The following TIAM2 variants were observed in gnomAD, a reference collection of about 807,000 sequenced individuals.
TIAM2 encodes the protein TIAM Rac1 associated GEF 2.
A neutral mutation model predicts 152.9 loss-of-function variants in TIAM2; 80 were observed. The ratio of observed to expected loss-of-function variants is 0.52; its 90% CI spans 0.44 to 0.63. The LOEUF (loss-of-function observed/expected upper bound fraction) is 0.63. Among genes scored for constraint, TIAM2 ranks in the 30% least tolerant of loss-of-function variants. The pLI is 0.00. For missense variants in TIAM2, 1,965 were observed against 2,120.1 expected (o/e 0.93, Z 1.44); for synonymous variants, 804 against 838.0 (o/e 0.96, Z 0.70).
chr6:155,076,098 A>G (rs1460738728), intron 1 of TIAM2, among the ~76,000 whole-genome samples: 1 of 152,178 alleles, frequency 6.6e-6, no homozygotes, highest in Non-Finnish European at 1.5e-5. Flanking sequence ...TCATGAGGTC[A>G]GGTGCAGAAT....
chr6:155,224,955 AT>A (rs1025158110), intron 15 of TIAM2, among the ~76,000 whole-genome samples: 27 of 151,890 alleles, frequency 1.8e-4, no homozygotes, highest in African/African-American at 6.5e-4. Context: ...TTTTCTATTT[AT>A]TTGTTTGTTT....
chr6:155,236,683 C>G (rs1782777791), intron 15 of TIAM2, among the ~76,000 whole-genome samples: 1 of 152,016 alleles, frequency 6.6e-6, no homozygotes, highest in African/African-American at 2.4e-5. Flanking sequence ...AATAAAAGAG[C>G]AAGTCATATC....
At chr6:155,007,453 C>T (rs1010610270) in intron 1 of TIAM2, among the ~76,000 whole-genome samples, 3 of 150,820 alleles carry the variant, frequency 2.0e-5, no homozygotes, top group Admixed American at 6.6e-5. Flanking sequence ...GGCACAATCT[C>T]GGCTCACTGC....
chr6:155,249,954 C>T lies in TIAM2; in HGVS notation c.3936C>T (p.Ser1312=), dbSNP rs201979923. 1.2e-5 allele frequency: 20 copies of T among 1,613,040 alleles called. No individual in the cohort carries two copies. The highest frequency in any genetic ancestry group is 5.0e-5 in the Admixed American group (3 of 59,810). Reference sequence around the variant, plus strand: ...TTGACCAGCTAGTAGCTGAGCAGAGCGGAACAGAGAAGGAGGTCCGTGAGA... The same window carrying T: ...TTGACCAGCTAGTAGCTGAGCAGAGTGGAACAGAGAAGGAGGTCCGTGAGA... ...TVFDQLVAEQ[S]GTEKEVTELS... The change falls in exon 21 of 27, where the codon AGC becomes AGT. Residue 1312 remains serine, a synonymous_variant. Transcript: ENST00000682666.
At chr6:155,072,448 A>C (rs764079903) in intron 1 of TIAM2, among the ~76,000 whole-genome samples, 3 of 152,150 alleles carry the variant, frequency 2.0e-5, no homozygotes, top group Non-Finnish European at 2.9e-5. Context: ...TTTGGTGTGC[A>C]TGATGAGGGA....
In TIAM2 at chr6:155,218,612, G is replaced by T. The variant is rs888334963; in HGVS notation, c.3168+7305G>T. On this transcript the variant is annotated intron_variant, in intron 15 of 26. Coordinates refer to ENST00000682666, the MANE Select transcript of TIAM2 (RefSeq NM_012454.4). The surrounding 1 kb of genome is among the most constrained non-coding windows in gnomAD (Gnocchi z 4.5). Reference sequence around the variant, plus strand: ...CTAGGAGCACTGGAAGCAGGGGAGAGAGGATTAGGCTGTAAGCTGCCCCTT... The same window carrying T: ...CTAGGAGCACTGGAAGCAGGGGAGATAGGATTAGGCTGTAAGCTGCCCCTT... 6.6e-6 allele frequency among the ~76,000 whole-genome samples: 1 copy of T among 152,210 alleles called. No individual in the cohort carries two copies. Among genetic ancestry groups the T allele is most frequent in the Non-Finnish European group, 1.5e-5 (1 of 68,032 alleles).
chr6:155,184,758 A>G (rs111790637), intron 14 of TIAM2, among the ~76,000 whole-genome samples: 153 of 152,328 alleles, frequency 1.0e-3, no homozygotes, highest in African/African-American at 3.5e-3. Context: ...TTGCGATTCA[A>G]TAAGGTATCT....
chr6:155,087,814 A>G (rs950133851), intron 1 of TIAM2, among the ~76,000 whole-genome samples: 1 of 152,160 alleles, frequency 6.6e-6, no homozygotes, highest in African/African-American at 2.4e-5. Flanking sequence ...TGACAAAGCA[A>G]ATTTAAAAGT....
At chr6:155,027,241 G>T (rs1201154751) in intron 1 of TIAM2, among the ~76,000 whole-genome samples, 3 of 151,066 alleles carry the variant, frequency 2.0e-5, no homozygotes, top group African/African-American at 7.3e-5. Flanking sequence ...GGCCAGGATG[G>T]TCTCTTACTC....
At chr6:155,057,110 C>CCTCT (rs903684566) in intron 1 of TIAM2, among the ~76,000 whole-genome samples, 1 of 135,654 alleles carries the variant, frequency 7.4e-6, no homozygotes, top group Non-Finnish European at 1.5e-5. Flanking sequence ...TTCACTGCAT[C>CCTCT]CTCTGCCCCC....
intron 1 of TIAM2, among the ~76,000 whole-genome samples, chr6:155,027,340 A>G (rs1262184782): frequency 2.8e-5 from 4 of 142,552 alleles, no homozygotes; most frequent in Admixed American, 7.5e-5. Flanking sequence ...TATATATAAT[A>G]TATATACTGT....
chr6:155,087,289 A>G (rs189926552), intron 1 of TIAM2, among the ~76,000 whole-genome samples: 1 of 152,354 alleles, frequency 6.6e-6, no homozygotes, highest in African/African-American at 2.4e-5. Context: ...ATCATTGGAA[A>G]CATTAAAATA....
chr6:155,043,772 C>T (rs1482588737), intron 1 of TIAM2, among the ~76,000 whole-genome samples: 1 of 151,360 alleles, frequency 6.6e-6, no homozygotes, highest in East Asian at 2.0e-4. Context: ...TTTCAGTTTT[C>T]AGAAGAATCT....
intron 1 of TIAM2, among the ~76,000 whole-genome samples, chr6:155,087,664 G>T (rs1283556309): frequency 1.3e-5 from 2 of 152,086 alleles, no homozygotes; most frequent in African/African-American, 4.8e-5. Context: ...CAGGAGAATT[G>T]CTTGAACTCG....
intron 2 of TIAM2, among the ~76,000 whole-genome samples, chr6:155,123,396 A>G (rs1372927936): frequency 2.0e-5 from 3 of 152,174 alleles, no homozygotes; most frequent in African/African-American, 7.2e-5. Context: ...TGGGGTCCGC[A>G]TCAACTGTGT....
intron 1 of TIAM2, among the ~76,000 whole-genome samples, chr6:155,037,636 C>G (rs1320968111): frequency 6.6e-6 from 1 of 152,150 alleles, no homozygotes; most frequent in Non-Finnish European, 1.5e-5. Flanking sequence ...TCAGGCAGTT[C>G]TCCTGCCTCA....
chr6:155,247,919 T>C, intron 19 of TIAM2, 81 bp from the exon 20 acceptor site: 4 of 1,481,722 alleles, frequency 2.7e-6, no homozygotes, highest in Non-Finnish European at 2.8e-6. Flanking sequence ...AAATAGATGA[T>C]CTATAAATGT....
chr6:155,118,429 CTTTTTCTTTTT>C (rs201497403), intron 2 of TIAM2, among the ~76,000 whole-genome samples: 23,168 of 131,488 alleles, frequency 0.18, 2,646 homozygotes, highest in African/African-American at 0.36. Flanking sequence ...TTTTCTTTTT[CTTTTTCTTTTT>C]TTTTTTTTTT....
intron 1 of TIAM2, among the ~76,000 whole-genome samples, chr6:155,045,770 G>T (rs1333300170): frequency 6.6e-6 from 1 of 151,558 alleles, no homozygotes; most frequent in African/African-American, 2.4e-5. Context: ...CCTTTGTGTG[G>T]AGGTTCAGAA....
Sources: gnomAD v4.1 joint callset for allele counts (sites outside exome capture counted in the v4.1 genomes callset) on GRCh38, gnomAD v4.1.1 for gene constraint, Gnocchi (gnomAD v3.1) non-coding constraint, MANE v1.5 for transcripts, NCBI Gene and HGNC (gene_info 2026-07-23, HGNC 2026-07-21) for gene names.